Variants in EHMT1 observed in about 807,000 individuals in gnomAD.
EHMT1 encodes histone-lysine N-methyltransferase EHMT1.
Under a neutral mutation model 147.2 loss-of-function variants are expected in EHMT1, and 15 were observed. The ratio of observed to expected loss-of-function variants is 0.10; its 90% CI spans 0.07 to 0.16. EHMT1 has a LOEUF of 0.16. Among genes scored for constraint, EHMT1 ranks in the 10% least tolerant of loss-of-function variants. The pLI is 1.00. For synonymous variants in EHMT1, 795 were observed against 709.6 expected (o/e 1.12, Z -1.91); for missense variants, 1,587 against 1,772.4 (o/e 0.90, Z 1.88).
At chr9:137,822,515 A>T (rs1363370898) in intron 25 of EHMT1, among the ~76,000 whole-genome samples, 1 of 152,070 alleles carries the variant, frequency 6.6e-6, no homozygotes, top group African/African-American at 2.4e-5. Flanking sequence ...TGTGACTTAG[A>T]TTTGCTGTCC....
intron 8 of EHMT1, among the ~76,000 whole-genome samples, chr9:137,755,581 G>A (rs1949320733): frequency 6.6e-6 from 1 of 152,206 alleles, no homozygotes; most frequent in African/African-American, 2.4e-5. Context: ...CTAGATCTTG[G>A]TTAGGTATCT....
chr9:137,792,198 G>T (rs1952578679), intron 16 of EHMT1: 11 of 436,934 alleles, frequency 2.5e-5, no homozygotes, highest in South Asian at 1.9e-4. Flanking sequence ...AACAGTGTGG[G>T]ACTGGCATAA....
chr9:137,654,272 A>AAGT (rs1265896685), intron 1 of EHMT1, among the ~76,000 whole-genome samples: 2 of 151,860 alleles, frequency 1.3e-5, no homozygotes, highest in Non-Finnish European at 2.9e-5. Flanking sequence ...GCTGAGGCAG[A>AAGT]AGTATCGCTT....
intron 16 of EHMT1, among the ~76,000 whole-genome samples, chr9:137,791,600 TGAAG>T (rs1282123110): frequency 6.6e-6 from 1 of 152,270 alleles, no homozygotes; most frequent in East Asian, 1.9e-4. Flanking sequence ...CAAACATTGC[TGAAG>T]GAAATTAAAG....
intron 1 of EHMT1, among the ~76,000 whole-genome samples, chr9:137,629,135 C>G (rs1463388432): frequency 6.6e-6 from 1 of 151,074 alleles, no homozygotes; most frequent in Non-Finnish European, 1.5e-5. Context: ...TCTCGTTGCC[C>G]AGGCTGGAGT....
At chr9:137,818,481 G>A (rs145928551) in intron 25 of EHMT1, among the ~76,000 whole-genome samples, 6 of 152,284 alleles carry the variant, frequency 3.9e-5, no homozygotes, top group Admixed American at 2.6e-4. Flanking sequence ...GGTGAAGGAC[G>A]GGCGCCGTGT....
At position 137,731,935 on chromosome 9, in the gene EHMT1, G is replaced by A. The variant is rs1209937589; in HGVS notation, c.823+3406G>A. Reference sequence around the variant, plus strand: ...ACCACAAGCAGTTTACACTGCAGGCGCTGGCGTCTAGATGAGGGGAACACG... The same window carrying A: ...ACCACAAGCAGTTTACACTGCAGGCACTGGCGTCTAGATGAGGGGAACACG... On this transcript the variant is annotated intron_variant, in intron 4 of 26. Coordinates refer to ENST00000460843, the MANE Select transcript of EHMT1 (RefSeq NM_024757.5). This position sits in a 1 kb window ranked among gnomAD's most constrained non-coding sequence, Gnocchi z 4.3. 2.0e-5 allele frequency among the ~76,000 whole-genome samples: 3 copies of A among 152,202 alleles called. No individual in the cohort carries two copies. The highest frequency in any genetic ancestry group is 6.5e-5 in the Admixed American group (1 of 15,286).
At chr9:137,761,291 A>T (rs1949792049) in intron 9 of EHMT1, among the ~76,000 whole-genome samples, 1 of 152,152 alleles carries the variant, frequency 6.6e-6, no homozygotes. Context: ...ATTTTTCTTT[A>T]CTATAGGCAT....
chr9:137,651,512 G>A (rs1937813317), intron 1 of EHMT1, among the ~76,000 whole-genome samples: 2 of 152,184 alleles, frequency 1.3e-5, no homozygotes, highest in South Asian at 2.1e-4. Flanking sequence ...GGCCAGGTGC[G>A]GTGGCTCACG....
At chr9:137,670,879 C>G (rs1037157777) in intron 1 of EHMT1, among the ~76,000 whole-genome samples, 1 of 152,194 alleles carries the variant, frequency 6.6e-6, no homozygotes, top group Admixed American at 6.5e-5. Context: ...TCTGGGAGGG[C>G]TTTCTCGGAG....
intron 18 of EHMT1, chr9:137,802,814 T>C: frequency 8.1e-7 from 1 of 1,231,676 alleles, no homozygotes. Flanking sequence ...ATCCAGGGGG[T>C]TTCTACCTCA....
chr9:137,768,745 T>A (rs1950405549), intron 10 of EHMT1, among the ~76,000 whole-genome samples: 2 of 151,278 alleles, frequency 1.3e-5, no homozygotes, highest in African/African-American at 4.9e-5. Flanking sequence ...GAGACGGGGT[T>A]TCACCGTTTT....
At chr9:137,814,003 G>A (rs891689473) in intron 21 of EHMT1, among the ~76,000 whole-genome samples, 1 of 145,258 alleles carries the variant, frequency 6.9e-6, no homozygotes, top group Non-Finnish European at 1.5e-5. Flanking sequence ...CACTTTCCTT[G>A]TGGCTCTGCT....
rs1381781045 is a variant in EHMT1 at position 137,781,250 on chromosome 9, TGTG to T, written c.2276-1037_2276-1035del. Among the ~76,000 whole-genome samples, 5 of 111,878 alleles carry T rather than the reference TGTG, an allele frequency of 4.5e-5. 1 individual carries two copies. The highest frequency in any genetic ancestry group is 6.9e-5 in the Non-Finnish European group (4 of 57,898). The allele number at this position is 111,878 out of a possible 152,430, so 73.4% of individuals were successfully genotyped here. ...GACGTGTGGTGACGACGCTGGGACGTGTGGTGACGACGCTGGGACGTGTGGTGA... is the reference window on the plus strand; with the variant it reads ...GACGTGTGGTGACGACGCTGGGACGTGTGACGACGCTGGGACGTGTGGTGA... On this transcript the variant is annotated intron_variant, in intron 14 of 26. Transcript: ENST00000460843.
chr9:137,830,657 A>G (rs1365109232), intron 25 of EHMT1, among the ~76,000 whole-genome samples: 2 of 150,876 alleles, frequency 1.3e-5, no homozygotes, highest in African/African-American at 5.0e-5. Flanking sequence ...TCCTTAGAAC[A>G]TGTCCCATGG....
At chr9:137,708,416 T>G in intron 1 of EHMT1, among the ~76,000 whole-genome samples, 1 of 152,246 alleles carries the variant, frequency 6.6e-6, no homozygotes, top group East Asian at 1.9e-4. Flanking sequence ...CTCTGTGACA[T>G]TAAAGCCCAT....
chr9:137,814,551 G>A (rs368908775), intron 22 of EHMT1, 43 bp downstream of exon 22: 197 of 1,592,960 alleles, frequency 1.2e-4, no homozygotes, highest in Non-Finnish European at 1.6e-4. Context: ...GGTAAGTGCC[G>A]CTGGTCCGGG....
intron 3 of EHMT1, among the ~76,000 whole-genome samples, chr9:137,717,864 T>C (rs1251873021): frequency 6.6e-6 from 1 of 152,194 alleles, no homozygotes; most frequent in African/African-American, 2.4e-5. Flanking sequence ...TGAACTTGGT[T>C]AGGGCCAGAA....
chr9:137,741,500 A>G (rs1433655982), intron 4 of EHMT1, among the ~76,000 whole-genome samples: 2 of 152,228 alleles, frequency 1.3e-5, no homozygotes, highest in African/African-American at 2.4e-5. Flanking sequence ...GACAGTGGGC[A>G]TGGGTGTGCA....
Sources: allele counts gnomAD v4.1 joint callset (sites outside exome capture counted in the v4.1 genomes callset), GRCh38; gene constraint gnomAD v4.1.1; non-coding constraint Gnocchi (gnomAD v3.1); transcripts MANE v1.5; gene names NCBI Gene and HGNC (gene_info 2026-07-23, HGNC 2026-07-21).